The following KPNA3 variants were observed in gnomAD, a reference collection of about 807,000 sequenced individuals.
KPNA3 encodes the protein karyopherin subunit alpha 3.
A neutral mutation model predicts 73.8 loss-of-function variants in KPNA3; 13 were observed. That is an observed-to-expected ratio of 0.18 (90% CI 0.11 to 0.28). KPNA3 has a LOEUF of 0.28. KPNA3 is among the 10% of genes least tolerant of loss of function. The pLI is 1.00. For synonymous variants in KPNA3, 186 were observed against 206.9 expected (o/e 0.90, Z 0.87); for missense variants, 360 against 618.1 (o/e 0.58, Z 4.43).
chr13:49,792,395 G>A (rs1478679978), intron 1 of KPNA3, 43 bp downstream of exon 1: 5 of 1,459,186 alleles, frequency 3.4e-6, no homozygotes, highest in Non-Finnish European at 4.6e-6. Context: ...GCGTCGCCGG[G>A]CCGGCGCGGC....
intron 1 of KPNA3, among the ~76,000 whole-genome samples, chr13:49,771,173 G>GA (rs1189748637): frequency 1.4e-5 from 2 of 147,888 alleles, no homozygotes; most frequent in East Asian, 4.0e-4. Context: ...GAAAAGAATA[G>GA]AAAAAAAGAA....
At chr13:49,744,659 G>C (rs924554235) in intron 2 of KPNA3, among the ~76,000 whole-genome samples, 1 of 152,106 alleles carries the variant, frequency 6.6e-6, no homozygotes, top group Non-Finnish European at 1.5e-5. Flanking sequence ...TTTTAGTAGA[G>C]ACAGGGATTC....
intron 7 of KPNA3, 76 bp downstream of exon 7, chr13:49,725,340 A>C: frequency 2.9e-6 from 2 of 696,876 alleles, no homozygotes; most frequent in East Asian, 3.0e-5. Flanking sequence ...ACAAGATAAA[A>C]TTTCTTTATT....
At chr13:49,736,148 T>C (rs1340580451) in intron 2 of KPNA3, among the ~76,000 whole-genome samples, 2 of 152,192 alleles carry the variant, frequency 1.3e-5, no homozygotes, top group African/African-American at 4.8e-5. Context: ...TTGGGTTTTG[T>C]TTTGTTTTTT....
chr13:49,771,275 T>A (rs888705436), intron 1 of KPNA3, among the ~76,000 whole-genome samples: 8 of 152,186 alleles, frequency 5.3e-5, no homozygotes, highest in Non-Finnish European at 1.0e-4. Context: ...ACTCTTCCAA[T>A]CCATGAACAT....
At chr13:49,781,440 T>C (rs922082954) in intron 1 of KPNA3, among the ~76,000 whole-genome samples, 1 of 152,122 alleles carries the variant, frequency 6.6e-6, no homozygotes, top group Non-Finnish European at 1.5e-5. Flanking sequence ...TTTCTTCCTC[T>C]GTATAATGTA....
At chr13:49,761,441 G>T (rs2137583122) in intron 1 of KPNA3, among the ~76,000 whole-genome samples, 1 of 151,698 alleles carries the variant, frequency 6.6e-6, no homozygotes, top group African/African-American at 2.4e-5. Context: ...GGGTTTCGCT[G>T]TGTTGGCCGG....
At chr13:49,754,616 CTTT>C (rs1264078093) in intron 1 of KPNA3, among the ~76,000 whole-genome samples, 23 of 57,612 alleles carry the variant, frequency 4.0e-4, no homozygotes, top group African/African-American at 9.7e-4. Flanking sequence ...AAAGCTAGTT[CTTT>C]CAAAAAAAAA....
At chr13:49,774,313 C>A (rs761641723) in intron 1 of KPNA3, among the ~76,000 whole-genome samples, 1 of 152,184 alleles carries the variant, frequency 6.6e-6, no homozygotes, top group Non-Finnish European at 1.5e-5. Flanking sequence ...ACATGAGCCA[C>A]AGCCCCAACA....
chr13:49,761,033 C>G (rs962786491), intron 1 of KPNA3, among the ~76,000 whole-genome samples: 1 of 152,074 alleles, frequency 6.6e-6, no homozygotes, highest in Non-Finnish European at 1.5e-5. Flanking sequence ...AAATAACATA[C>G]ATATTCTTAA....
intron 2 of KPNA3, among the ~76,000 whole-genome samples, chr13:49,733,712 G>A (rs73192699): frequency 0.11 from 16,850 of 152,290 alleles, 1,156 homozygotes; most frequent in South Asian, 0.26. Context: ...TTGGCAATGG[G>A]ACATTAAGCA....
intron 6 of KPNA3, among the ~76,000 whole-genome samples, chr13:49,730,919 T>C (rs1345401339): frequency 6.9e-6 from 1 of 144,208 alleles, no homozygotes; most frequent in East Asian, 2.1e-4. Flanking sequence ...TGGGACTACA[T>C]GCGCCTGCCA....
intron 1 of KPNA3, among the ~76,000 whole-genome samples, chr13:49,763,691 T>G (rs982073421): frequency 5.9e-5 from 9 of 152,108 alleles, no homozygotes; most frequent in Non-Finnish European, 7.4e-5. Context: ...TCCCAGCACT[T>G]TGGAGGCCTA....
At chr13:49,703,416 G>C (rs760070798) in intron 15 of KPNA3, among the ~76,000 whole-genome samples, 1 of 151,666 alleles carries the variant, frequency 6.6e-6, no homozygotes, top group Non-Finnish European at 1.5e-5. Flanking sequence ...TCCTGACCTC[G>C]TGATTCGCCC....
chr13:49,772,079 T>C (rs1171158024), intron 1 of KPNA3, among the ~76,000 whole-genome samples: 1 of 152,176 alleles, frequency 6.6e-6, no homozygotes, highest in African/African-American at 2.4e-5. Context: ...TTTAAGTGAG[T>C]TCTTTAGAAT....
chr13:49,747,633 C>T (rs1954630068), intron 1 of KPNA3, among the ~76,000 whole-genome samples: 1 of 152,172 alleles, frequency 6.6e-6, no homozygotes, highest in Non-Finnish European at 1.5e-5. Flanking sequence ...TTGAAGTGAG[C>T]TGAGATCATG....
intron 9 of KPNA3, 131 bp from the exon 10 acceptor site, chr13:49,719,950 T>C: frequency 1.7e-6 from 1 of 595,768 alleles, no homozygotes; most frequent in South Asian, 2.3e-5. Context: ...TGTCTGAATA[T>C]CTTTTAGGAA....
rs566054118 is a variant in KPNA3, at chr13:49,770,654, T to A, written c.69+21784A>T. On this transcript the variant is annotated intron_variant, in intron 1 of 16. Transcript: ENST00000261667. ...TTTCTTCTGAGAAGTTTACACATTT[T>A]AGTTTTTACATGTATATCTTTAATC... Among the ~76,000 whole-genome samples, 7 of 152,278 alleles carry A rather than the reference T, an allele frequency of 4.6e-5. No individual in the cohort carries two copies. In the South Asian group the frequency reaches 6.2e-4, roughly 14 times the overall value.
chr13:49,762,172 G>A (rs1206403352), intron 1 of KPNA3, among the ~76,000 whole-genome samples: 14 of 149,154 alleles, frequency 9.4e-5, no homozygotes, highest in Admixed American at 4.0e-4. Flanking sequence ...GCCCCCGCCC[G>A]GCCAGCCGCC....
Sources: allele counts gnomAD v4.1 joint callset (sites outside exome capture counted in the v4.1 genomes callset), GRCh38; gene constraint gnomAD v4.1.1; transcripts MANE v1.5; gene names NCBI Gene and HGNC (gene_info 2026-07-23, HGNC 2026-07-21).